Variants in TMEM266 observed in about 807,000 individuals in gnomAD.
The protein encoded by TMEM266 is transmembrane protein 266.
In TMEM266, 33 loss-of-function variants were observed where a neutral mutation model predicts 50.5. That is an observed-to-expected ratio of 0.65 (90% confidence interval 0.50 to 0.87). The LOEUF is 0.87. TMEM266 is among the 40% of genes least tolerant of loss of function. The pLI is 0.00. For missense variants in TMEM266, 655 were observed against 695.1 expected (o/e 0.94, Z 0.65); for synonymous variants, 310 against 292.3 (o/e 1.06, Z -0.62).
In TMEM266 at chr15:76,116,900, T is replaced by C. The variant is rs868344210; in HGVS notation, c.-96-17268T>C. ...ACAAACAGTAAAGCATATCTTCTTTTTTTTTTTTTTTTTTTTGAGACGGAG... is the reference window on the plus strand; with the variant it reads ...ACAAACAGTAAAGCATATCTTCTTTCTTTTTTTTTTTTTTTTGAGACGGAG... On this transcript the variant is annotated intron_variant, in intron 1 of 10. Transcript: ENST00000388942. 6.6e-3 allele frequency among the ~76,000 whole-genome samples: 963 copies of C among 146,674 alleles called. 10 individuals are homozygous for C. Among genetic ancestry groups the C allele is most frequent in the African/African-American group, 0.023 (918 of 39,372 alleles).
chr15:76,153,339 T>TC lies in TMEM266; in HGVS notation c.228-3263dup, dbSNP rs2037872327. Among the ~76,000 whole-genome samples the TC allele has an allele frequency of 6.6e-6, 1 of 152,126 alleles. No individual in the cohort carries two copies. Among genetic ancestry groups the TC allele is most frequent in the Non-Finnish European group, 1.5e-5 (1 of 68,014 alleles). ...TAGAAGGAGCAGTGTCTTAGGGATG[T>TC]CCAAGGCACGAAGGTGAACAAATGC... On this transcript the variant is annotated intron_variant, in intron 3 of 10. Transcript: ENST00000388942. This position sits in a 1 kb window ranked among gnomAD's most constrained non-coding sequence, Gnocchi z 4.2.
At chr15:76,164,201 A>G (rs574036843) in intron 5 of TMEM266, among the ~76,000 whole-genome samples, 1 of 152,106 alleles carries the variant, frequency 6.6e-6, no homozygotes, top group Admixed American at 6.6e-5. Flanking sequence ...GATGTAGCAC[A>G]GCACACTTTC....
Position 76,075,662 on chromosome 15 carries a change from C to G in TMEM266, c.-97+15646C>G, listed in dbSNP as rs150899931. ...CACACTTCTAGGCACAGAGAGTAAC[C>G]AAAATGAATCACACCACAGCCCTTG... On this transcript the variant is annotated intron_variant, in intron 1 of 10. Transcript: ENST00000388942. Among the ~76,000 whole-genome samples, 589 of 151,856 alleles carry G rather than the reference C, an allele frequency of 3.9e-3. 18 individuals carry two copies. Among genetic ancestry groups the G allele is most frequent in the Admixed American group, 0.034 (518 of 15,250 alleles).
chr15:76,122,473 A>C (rs897716070), intron 1 of TMEM266, among the ~76,000 whole-genome samples: 5 of 152,250 alleles, frequency 3.3e-5, no homozygotes, highest in African/African-American at 1.2e-4. Flanking sequence ...TTTACCAAAG[A>C]ATAGTTACTT....
chr15:76,199,811 AG>A (rs2038715522), intron 9 of TMEM266, among the ~76,000 whole-genome samples: 1 of 142,336 alleles, frequency 7.0e-6, no homozygotes, highest in African/African-American at 2.5e-5. Context: ...TGAAACGTTC[AG>A]GGTGGAAAGG....
At chr15:76,159,042 T>G (rs1186306228) in intron 4 of TMEM266, among the ~76,000 whole-genome samples, 1 of 152,120 alleles carries the variant, frequency 6.6e-6, no homozygotes, top group African/African-American at 2.4e-5. Flanking sequence ...CTGAGCAGTG[T>G]GCCAAGCAGG....
intron 3 of TMEM266, among the ~76,000 whole-genome samples, chr15:76,147,034 A>G (rs998239200): frequency 1.3e-5 from 2 of 152,240 alleles, no homozygotes; most frequent in Non-Finnish European, 1.5e-5. Flanking sequence ...GTGGGGCTGC[A>G]TGCAAATAAG....
rs1193128172 is a variant in TMEM266, at chr15:76,062,323, T to G, written c.-97+2307T>G. Reference sequence around the variant, plus strand: ...TCTTTTAATTTTATAAGCTCTGTTTTTGCCTTGGTCAATGTGATTGGTTTT... The same window carrying G: ...TCTTTTAATTTTATAAGCTCTGTTTGTGCCTTGGTCAATGTGATTGGTTTT... On this transcript the variant is annotated intron_variant, in intron 1 of 10. Transcript: ENST00000388942. 2.0e-5 allele frequency among the ~76,000 whole-genome samples: 3 copies of G among 152,264 alleles called. No individual in the cohort carries two copies. In the East Asian group the frequency reaches 5.8e-4, roughly 29 times the overall value.
At chr15:76,184,300 G>A (rs1432171007) in intron 8 of TMEM266, among the ~76,000 whole-genome samples, 1 of 152,194 alleles carries the variant, frequency 6.6e-6, no homozygotes, top group African/African-American at 2.4e-5. Flanking sequence ...TAGCTTTAAT[G>A]ACAAGCCTAT....
intron 9 of TMEM266, among the ~76,000 whole-genome samples, chr15:76,192,430 G>T (rs1027011794): frequency 6.6e-6 from 1 of 152,218 alleles, no homozygotes; most frequent in Non-Finnish European, 1.5e-5. Context: ...TGTGTGTGGT[G>T]TCTTCCCTGT....
chr15:76,124,026 C>T (rs1470882647), intron 1 of TMEM266, among the ~76,000 whole-genome samples: 2 of 152,168 alleles, frequency 1.3e-5, no homozygotes, highest in African/African-American at 4.8e-5. Context: ...AGGGATGAAT[C>T]TTGACTGGAC....
intron 10 of TMEM266, among the ~76,000 whole-genome samples, chr15:76,203,248 A>C (rs1004655442): frequency 2.0e-5 from 3 of 152,044 alleles, no homozygotes; most frequent in Admixed American, 2.0e-4. Context: ...TGGCACACCA[A>C]GTTTCCTGAG....
At chr15:76,102,946 A>G (rs1266710149) in intron 1 of TMEM266, among the ~76,000 whole-genome samples, 2 of 151,924 alleles carry the variant, frequency 1.3e-5, no homozygotes, top group Non-Finnish European at 2.9e-5. Flanking sequence ...GATAGAACCT[A>G]GAACCTTGAA....
chr15:76,120,140 A>T (rs542130177), intron 1 of TMEM266, among the ~76,000 whole-genome samples: 1 of 152,116 alleles, frequency 6.6e-6, no homozygotes, highest in Non-Finnish European at 1.5e-5. Flanking sequence ...AATCTATTCC[A>T]TGCAAATGAA....
Position 76,184,227 on chromosome 15 carries a change from A to C in TMEM266, c.769-7741A>C, listed in dbSNP as rs2038462499. ...ATAGCCTTTGTTACCTGGATTATTCAGGATCTCCACTGTGGGAAGTGAAAT... is the reference window on the plus strand; with the variant it reads ...ATAGCCTTTGTTACCTGGATTATTCCGGATCTCCACTGTGGGAAGTGAAAT... On this transcript the variant is annotated intron_variant, in intron 8 of 10. Coordinates refer to ENST00000388942, the MANE Select transcript of TMEM266 (RefSeq NM_152335.3). Among the ~76,000 whole-genome samples the C allele has an allele frequency of 2.6e-5, 4 of 152,208 alleles. No individual in the cohort carries two copies. In the South Asian group the frequency reaches 8.3e-4, roughly 32 times the overall value.
chr15:76,090,617 G>A lies in TMEM266; in HGVS notation c.-97+30601G>A, dbSNP rs570706424. Among the ~76,000 whole-genome samples the A allele has an allele frequency of 3.5e-4, 53 of 152,222 alleles. No individual in the cohort carries two copies. The Middle Eastern group carries it at 0.01, about 29-fold the overall frequency. Reference sequence around the variant, plus strand: ...GTCCCAAGAACCAAGGGAACTGAGAGTTTTAAGAATCAGAGGGTTATCAAC... The same window carrying A: ...GTCCCAAGAACCAAGGGAACTGAGAATTTTAAGAATCAGAGGGTTATCAAC... On this transcript the variant is annotated intron_variant, in intron 1 of 10. Coordinates refer to ENST00000388942, the MANE Select transcript of TMEM266 (RefSeq NM_152335.3).
intron 9 of TMEM266, among the ~76,000 whole-genome samples, chr15:76,192,691 G>A (rs1323131566): frequency 6.6e-6 from 1 of 152,206 alleles, no homozygotes; most frequent in African/African-American, 2.4e-5. Flanking sequence ...GGTGGAGATG[G>A]GAACACGAGC....
At chr15:76,081,167 G>C (rs149928863) in intron 1 of TMEM266, among the ~76,000 whole-genome samples, 1 of 152,178 alleles carries the variant, frequency 6.6e-6, no homozygotes, top group African/African-American at 2.4e-5. Context: ...CTTGGCGTTC[G>C]TGTACCGAGT....
At chr15:76,092,190 AC>A (rs1427852955) in intron 1 of TMEM266, among the ~76,000 whole-genome samples, 2 of 152,032 alleles carry the variant, frequency 1.3e-5, no homozygotes, top group Non-Finnish European at 2.9e-5. Flanking sequence ...TGATTTAACC[AC>A]ACTACCTGAT....
Sources: gnomAD v4.1 joint callset for allele counts (sites outside exome capture counted in the v4.1 genomes callset) on GRCh38, gnomAD v4.1.1 for gene constraint, Gnocchi (gnomAD v3.1) non-coding constraint, MANE v1.5 for transcripts, NCBI Gene and HGNC (gene_info 2026-07-23, HGNC 2026-07-21) for gene names.